The following KCNH8 variants were observed in gnomAD, a reference collection of about 807,000 sequenced individuals.
The protein encoded by KCNH8 is potassium voltage-gated channel subfamily H member 8, also known as voltage-gated delayed rectifier potassium channel KCNH8.
In KCNH8, 70 loss-of-function variants were observed where a neutral mutation model predicts 103.6. That is an observed-to-expected ratio of 0.68 (90% CI 0.56 to 0.82). KCNH8 has a LOEUF of 0.82. Ranked by LOEUF, KCNH8 falls within the 40% of genes least tolerant of loss-of-function variation. The probability of loss-of-function intolerance (pLI) is 0.00; values close to 1 mark genes in which losing one functional copy is unlikely to be tolerated. For missense variants in KCNH8, 1,217 were observed against 1,329.9 expected, an observed-to-expected ratio of 0.92 and a Z score of 1.32; for synonymous variants, 498 against 489.4, an observed-to-expected ratio of 1.02 and a Z score of -0.23.
intron 11 of KCNH8, among the ~76,000 whole-genome samples, chr3:19,462,967 C>T (rs142637555): frequency 2.0e-5 from 3 of 152,180 alleles, no homozygotes; most frequent in Non-Finnish European, 4.4e-5. Context: ...ATTCAACCAA[C>T]CACCAATCAA....
At chr3:19,217,257 T>G (rs1424363265) in intron 1 of KCNH8, among the ~76,000 whole-genome samples, 1 of 152,176 alleles carries the variant, frequency 6.6e-6, no homozygotes, top group Non-Finnish European at 1.5e-5. Flanking sequence ...ACCTTACATT[T>G]CTATAGTTTA....
At chr3:19,188,627 G>T (rs771614248) in intron 1 of KCNH8, among the ~76,000 whole-genome samples, 3 of 151,986 alleles carry the variant, frequency 2.0e-5, no homozygotes, top group Non-Finnish European at 4.4e-5. Context: ...CAGAGGTAAA[G>T]TACGAAGCCA....
At chr3:19,429,425 C>T (rs1267884057) in intron 7 of KCNH8, among the ~76,000 whole-genome samples, 2 of 152,070 alleles carry the variant, frequency 1.3e-5, no homozygotes. Flanking sequence ...CCGCCCGCCT[C>T]GGCCTCCCAA....
chr3:19,487,035 G>T (rs546213555), intron 11 of KCNH8, among the ~76,000 whole-genome samples: 1 of 152,306 alleles, frequency 6.6e-6, no homozygotes, highest in South Asian at 2.1e-4. Context: ...TGTCCCAGCA[G>T]AAGGTCGTTC....
At chr3:19,479,755 T>G (rs2068051050) in intron 11 of KCNH8, among the ~76,000 whole-genome samples, 1 of 152,162 alleles carries the variant, frequency 6.6e-6, no homozygotes, top group Non-Finnish European at 1.5e-5. Context: ...ATTTTAACTA[T>G]GAGAGTCGTG....
intron 1 of KCNH8, among the ~76,000 whole-genome samples, chr3:19,238,834 G>A (rs182042977): frequency 6.6e-6 from 1 of 152,308 alleles, no homozygotes; most frequent in African/African-American, 2.4e-5. Context: ...TTGGAACCAA[G>A]TGTCTAGCAG....
At chr3:19,461,879 A>G (rs1167344445) in intron 11 of KCNH8, among the ~76,000 whole-genome samples, 1 of 151,886 alleles carries the variant, frequency 6.6e-6, no homozygotes, top group Non-Finnish European at 1.5e-5. Flanking sequence ...AAGTGTTCTC[A>G]TTGTTCAATT....
chr3:19,256,294 G>A (rs1360187704), intron 2 of KCNH8, among the ~76,000 whole-genome samples: 1 of 152,130 alleles, frequency 6.6e-6, no homozygotes, highest in East Asian at 1.9e-4. Flanking sequence ...AAGTATTGGA[G>A]ACTATCTCTT....
chr3:19,321,495 G>A (rs1234779158), intron 3 of KCNH8, among the ~76,000 whole-genome samples: 1 of 151,260 alleles, frequency 6.6e-6, no homozygotes, highest in South Asian at 2.1e-4. Flanking sequence ...GGTTTTGAGG[G>A]TTCCTATTGG....
At chr3:19,277,886 A>G (rs2064697293) in intron 2 of KCNH8, among the ~76,000 whole-genome samples, 1 of 152,160 alleles carries the variant, frequency 6.6e-6, no homozygotes, top group Non-Finnish European at 1.5e-5. Context: ...TACTGCTGCT[A>G]TATAAAGAAG....
intron 1 of KCNH8, among the ~76,000 whole-genome samples, chr3:19,217,478 T>C (rs1432489642): frequency 6.6e-6 from 1 of 152,202 alleles, no homozygotes; most frequent in African/African-American, 2.4e-5. Context: ...CAATACTCTT[T>C]CCTAGGAAAT....
intron 2 of KCNH8, among the ~76,000 whole-genome samples, chr3:19,277,846 G>A (rs2064696539): frequency 1.3e-5 from 2 of 152,148 alleles, no homozygotes; most frequent in Non-Finnish European, 2.9e-5. Flanking sequence ...AGCCTCATCT[G>A]TGTTGACACT....
At chr3:19,330,592 G>A (rs1484068399) in intron 3 of KCNH8, among the ~76,000 whole-genome samples, 1 of 152,160 alleles carries the variant, frequency 6.6e-6, no homozygotes, top group Admixed American at 6.6e-5. Context: ...CCATTTGGGG[G>A]CATTACAAAC....
intron 1 of KCNH8, among the ~76,000 whole-genome samples, chr3:19,235,685 T>G (rs1043149219): frequency 6.6e-6 from 1 of 152,140 alleles, no homozygotes; most frequent in African/African-American, 2.4e-5. Context: ...ACTAACAAAT[T>G]AGTGGATTTT....
intron 7 of KCNH8, among the ~76,000 whole-genome samples, chr3:19,434,065 G>A (rs1454599074): frequency 6.6e-6 from 1 of 152,196 alleles, no homozygotes; most frequent in Non-Finnish European, 1.5e-5. Flanking sequence ...GAAACTAGGT[G>A]AAAGATGTGG....
At chr3:19,500,088 A>G (rs935656470) in intron 11 of KCNH8, among the ~76,000 whole-genome samples, 4 of 152,204 alleles carry the variant, frequency 2.6e-5, no homozygotes, top group African/African-American at 7.2e-5. Context: ...TAAAGGACGG[A>G]GGAAGATCTA....
chr3:19,263,731 A>G (rs947526594), intron 2 of KCNH8, among the ~76,000 whole-genome samples: 5 of 152,086 alleles, frequency 3.3e-5, no homozygotes, highest in Non-Finnish European at 7.4e-5. Context: ...GTCCACTCAG[A>G]TTCATGGGAA....
At chr3:19,219,926 C>T (rs1427256531) in intron 1 of KCNH8, among the ~76,000 whole-genome samples, 1 of 152,270 alleles carries the variant, frequency 6.6e-6, no homozygotes, top group East Asian at 1.9e-4. Context: ...CCTAAAGTAA[C>T]CACAAAGTAC....
intron 11 of KCNH8, among the ~76,000 whole-genome samples, chr3:19,505,457 G>A (rs1575154626): frequency 1.3e-5 from 2 of 151,796 alleles, no homozygotes; most frequent in South Asian, 4.2e-4. Context: ...TTAAGATAAA[G>A]TTTTTTTTAA....
Sources: gnomAD v4.1 joint callset for allele counts (sites outside exome capture counted in the v4.1 genomes callset) on GRCh38, gnomAD v4.1.1 for gene constraint, MANE v1.5 for transcripts, NCBI Gene and HGNC (gene_info 2026-07-23, HGNC 2026-07-21) for gene names.